Variants in RBM20 observed in about 807,000 individuals in gnomAD.
RBM20 encodes RNA binding motif protein 20, also known as RNA-binding protein 20.
Under a neutral mutation model 110.1 loss-of-function variants are expected in RBM20, and 51 were observed. The observed-to-expected ratio is 0.46, with a 90% CI of 0.37 to 0.59. RBM20 has a LOEUF of 0.59. Ranked by LOEUF, RBM20 falls within the 20% of genes least tolerant of loss-of-function variation. The pLI, the probability that RBM20 is intolerant of heterozygous loss-of-function variation, is 0.00. For synonymous variants in RBM20, 589 were observed against 618.2 expected, an observed-to-expected ratio of 0.95 and a Z score of 0.70; for missense variants, 1,512 against 1,574.9, an observed-to-expected ratio of 0.96 and a Z score of 0.68.
At chr10:110,721,960 G>A (rs1439671535) in intron 1 of RBM20, among the ~76,000 whole-genome samples, 4 of 152,062 alleles carry the variant, frequency 2.6e-5, no homozygotes, top group African/African-American at 9.7e-5. Flanking sequence ...TCCTCTCCCA[G>A]TTGGAGAGGG....
At chr10:110,703,198 G>A (rs1862785158) in intron 1 of RBM20, among the ~76,000 whole-genome samples, 1 of 151,622 alleles carries the variant, frequency 6.6e-6, no homozygotes, top group Non-Finnish European at 1.5e-5. Context: ...TCAACATGGT[G>A]AAACACCATC....
At chr10:110,677,578 A>G (rs1303561146) in intron 1 of RBM20, among the ~76,000 whole-genome samples, 1 of 152,216 alleles carries the variant, frequency 6.6e-6, no homozygotes, top group Admixed American at 6.5e-5. Context: ...TTGGCCTCCC[A>G]AAGTGCTGGG....
At chr10:110,691,162 T>G (rs1055523637) in intron 1 of RBM20, among the ~76,000 whole-genome samples, 1 of 152,210 alleles carries the variant, frequency 6.6e-6, no homozygotes, top group Non-Finnish European at 1.5e-5. Flanking sequence ...GAGAATACAG[T>G]CCCAAGTTAG....
At chr10:110,798,564 G>T (rs957751877) in intron 6 of RBM20, among the ~76,000 whole-genome samples, 1 of 152,190 alleles carries the variant, frequency 6.6e-6, no homozygotes, top group Non-Finnish European at 1.5e-5. Flanking sequence ...GTGCTAAAGT[G>T]TTTATCAAGA....
At chr10:110,748,722 C>T (rs1453593843) in intron 1 of RBM20, among the ~76,000 whole-genome samples, 1 of 152,170 alleles carries the variant, frequency 6.6e-6, no homozygotes, top group Non-Finnish European at 1.5e-5. Context: ...ACAAAATACT[C>T]ATACCACAAA....
chr10:110,763,060 G>A (rs1026208791), intron 1 of RBM20, among the ~76,000 whole-genome samples: 7 of 152,316 alleles, frequency 4.6e-5, no homozygotes, highest in African/African-American at 1.4e-4. Context: ...GGCCAACGGA[G>A]CCTGGGACAG....
At chr10:110,808,646 T>A (rs1196122512) in intron 7 of RBM20, among the ~76,000 whole-genome samples, 1 of 152,214 alleles carries the variant, frequency 6.6e-6, no homozygotes, top group East Asian at 1.9e-4. Flanking sequence ...CATCTCCATA[T>A]GACAAGAGGT....
Position 110,644,486 on chromosome 10 carries a change from C to T in RBM20, c.32C>T (p.Ala11Val), listed in dbSNP as rs794726895. 1 of 1,521,602 alleles carries T rather than the reference C, an allele frequency of 6.6e-7. No individual in the cohort carries two copies. Among genetic ancestry groups the T allele is most frequent in the Non-Finnish European group, 8.8e-7 (1 of 1,138,692 alleles). 94.3% of individuals were successfully genotyped at this position (1,521,602 alleles called of 1,614,324 possible). Residue 11 changes from alanine to valine, a missense_variant, in exon 1 of 14, where the codon GCG (alanine) becomes GTG (valine). Transcript: ENST00000369519. This position sits in a 1 kb window ranked among gnomAD's most constrained non-coding sequence, Gnocchi z 4.3. ...CTGGCAGCAGCCATGAGCCAGGACG[C>T]GGACCCCAGCGGTCCGGAGCAGCCG... Reference protein sequence around the residue: MVLAAAMSQDADPSGPEQPDR... With the variant: MVLAAAMSQDVDPSGPEQPDR...
At chr10:110,805,804 G>A (rs1000489693) in intron 7 of RBM20, among the ~76,000 whole-genome samples, 4 of 152,192 alleles carry the variant, frequency 2.6e-5, no homozygotes, top group African/African-American at 9.7e-5. Context: ...AGCAAGATGT[G>A]TTAACTCTGA....
intron 1 of RBM20, among the ~76,000 whole-genome samples, chr10:110,649,251 A>T (rs1861913138): frequency 6.6e-6 from 1 of 151,576 alleles, no homozygotes; most frequent in African/African-American, 2.4e-5. Context: ...TTATTTATAT[A>T]TTTATTTATT....
chr10:110,658,934 C>A (rs1013097564), intron 1 of RBM20, among the ~76,000 whole-genome samples: 1 of 152,122 alleles, frequency 6.6e-6, no homozygotes, highest in African/African-American at 2.4e-5. Flanking sequence ...CTGTGGCTCC[C>A]ATAGTAGCAT....
intron 1 of RBM20, among the ~76,000 whole-genome samples, chr10:110,746,402 T>A (rs1309644440): frequency 6.6e-6 from 1 of 152,210 alleles, no homozygotes; most frequent in Non-Finnish European, 1.5e-5. Context: ...TTATTCTCAT[T>A]ACGAAACATT....
At chr10:110,787,808 C>G (rs1030579420) in intron 5 of RBM20, among the ~76,000 whole-genome samples, 1 of 151,818 alleles carries the variant, frequency 6.6e-6, no homozygotes, top group Admixed American at 6.6e-5. Flanking sequence ...GGACAGCTCT[C>G]TGCGAGGAGC....
intron 1 of RBM20, among the ~76,000 whole-genome samples, chr10:110,665,360 C>T (rs1022632961): frequency 3.3e-5 from 5 of 151,742 alleles, no homozygotes; most frequent in East Asian, 1.9e-4. Flanking sequence ...ACCCACTGAT[C>T]GATCTTAATG....
chr10:110,769,268 GT>G (rs1844152771), intron 1 of RBM20, among the ~76,000 whole-genome samples: 1 of 101,448 alleles, frequency 9.9e-6, no homozygotes, highest in African/African-American at 4.1e-5. Flanking sequence ...TTTTGTTGTT[GT>G]TTATTTGTTT....
rs566369908 is a variant in RBM20 at position 110,687,042 on chromosome 10, G to GAA, written c.191+42411_191+42412dup. Among the ~76,000 whole-genome samples the GAA allele has an allele frequency of 2.2e-3, 250 of 114,984 alleles. 1 individual carries two copies. The highest frequency in any genetic ancestry group is 9.8e-3 in the Middle Eastern group (2 of 204). 75.4% of individuals were successfully genotyped at this position (114,984 alleles called of 152,430 possible). On this transcript the variant is annotated intron_variant, in intron 1 of 13. Coordinates refer to ENST00000369519, the MANE Select transcript of RBM20 (RefSeq NM_001134363.3). ...TAACAGAGCGAGACTGTCTCAAAAAGAAAAAAAAAAAAAAAGAAAAAATTT... is the reference window on the plus strand; with the variant it reads ...TAACAGAGCGAGACTGTCTCAAAAAGAAAAAAAAAAAAAAAAAGAAAAAATTT...
intron 12 of RBM20, among the ~76,000 whole-genome samples, chr10:110,828,710 G>A (rs1235012619): frequency 6.6e-6 from 1 of 152,230 alleles, no homozygotes; most frequent in Non-Finnish European, 1.5e-5. Context: ...ATCTCAGAGA[G>A]GGTAAACAGT....
chr10:110,723,770 T>G (rs1013311852), intron 1 of RBM20, among the ~76,000 whole-genome samples: 2 of 152,222 alleles, frequency 1.3e-5, no homozygotes, highest in Admixed American at 6.5e-5. Flanking sequence ...TTAATTGGGT[T>G]ATGGGTCTTT....
intron 1 of RBM20, among the ~76,000 whole-genome samples, chr10:110,649,952 A>C (rs1365528833): frequency 6.6e-6 from 1 of 152,198 alleles, no homozygotes; most frequent in Non-Finnish European, 1.5e-5. Flanking sequence ...CATGTTTTTG[A>C]ATCAGGAATG....
Sources: allele counts gnomAD v4.1 joint callset (sites outside exome capture counted in the v4.1 genomes callset), GRCh38; gene constraint gnomAD v4.1.1; non-coding constraint Gnocchi (gnomAD v3.1); transcripts MANE v1.5; gene names NCBI Gene and HGNC (gene_info 2026-07-23, HGNC 2026-07-21).